MMS22L: variants seen among roughly 807,000 people sequenced by gnomAD.
The protein encoded by MMS22L is protein MMS22-like.
A neutral mutation model predicts 159.1 loss-of-function variants in MMS22L; 74 were observed. The observed-to-expected ratio is 0.47, with a 90% CI of 0.39 to 0.56. The LOEUF (loss-of-function observed/expected upper bound fraction) is 0.56. Ranked by LOEUF, MMS22L falls within the 20% of genes least tolerant of loss-of-function variation. The pLI, the probability that MMS22L is intolerant of heterozygous loss-of-function variation, is 0.00. For missense variants in MMS22L, 1,351 were observed against 1,422.1 expected, an observed-to-expected ratio of 0.95 and a Z score of 0.80; for synonymous variants, 517 against 506.9, an observed-to-expected ratio of 1.02 and a Z score of -0.27.
At chr6:97,167,029 T>C (rs1803025675) in intron 20 of MMS22L, among the ~76,000 whole-genome samples, 1 of 152,084 alleles carries the variant, frequency 6.6e-6, no homozygotes, top group South Asian at 2.1e-4. Context: ...CAAAATCCAT[T>C]TTCCCTTTCC....
intron 22 of MMS22L, among the ~76,000 whole-genome samples, chr6:97,156,528 C>A (rs1801865740): frequency 6.6e-6 from 1 of 152,150 alleles, no homozygotes; most frequent in African/African-American, 2.4e-5. Flanking sequence ...TTTCAGTTTT[C>A]TGAATATGGC....
intron 11 of MMS22L, among the ~76,000 whole-genome samples, chr6:97,234,324 A>T (rs1001576019): frequency 6.6e-6 from 1 of 152,196 alleles, no homozygotes; most frequent in Non-Finnish European, 1.5e-5. Flanking sequence ...TGATGTAACG[A>T]TTAAGATGTA....
At chr6:97,198,288 T>C (rs1422042545) in intron 14 of MMS22L, among the ~76,000 whole-genome samples, 1 of 152,132 alleles carries the variant, frequency 6.6e-6, no homozygotes, top group Non-Finnish European at 1.5e-5. Context: ...AGAAGCCATC[T>C]AGGAACTGGA....
intron 14 of MMS22L, among the ~76,000 whole-genome samples, chr6:97,194,914 G>A (rs1806318714): frequency 6.6e-6 from 1 of 152,004 alleles, no homozygotes; most frequent in Non-Finnish European, 1.5e-5. Context: ...AAGCAGTAGG[G>A]TACAAAACTA....
intron 11 of MMS22L, among the ~76,000 whole-genome samples, chr6:97,240,394 C>A (rs1201113772): frequency 1.3e-5 from 2 of 152,172 alleles, no homozygotes; most frequent in Non-Finnish European, 2.9e-5. Flanking sequence ...ATTCCTACTT[C>A]TAGGGTGACT....
At chr6:97,192,024 T>C (rs1413254592) in intron 14 of MMS22L, among the ~76,000 whole-genome samples, 1 of 152,158 alleles carries the variant, frequency 6.6e-6, no homozygotes, top group Non-Finnish European at 1.5e-5. Context: ...TGAGTCCCAA[T>C]CCTGTGCATG....
chr6:97,212,090 C>T (rs965886827), intron 14 of MMS22L, among the ~76,000 whole-genome samples: 1 of 152,162 alleles, frequency 6.6e-6, no homozygotes, highest in African/African-American at 2.4e-5. Flanking sequence ...ATTATTCTAT[C>T]CATCACAGTG....
chr6:97,231,362 T>C (rs760063638), intron 13 of MMS22L, 64 bp downstream of exon 13: 91 of 1,200,666 alleles, frequency 7.6e-5, no homozygotes, highest in Non-Finnish European at 1.1e-4. Flanking sequence ...CATAACAAAA[T>C]ACAAATAGTA....
rs148639396 is a variant in MMS22L at position 97,155,115 on chromosome 6, T to C, written c.3386-3248A>G. On this transcript the variant is annotated intron_variant, in intron 22 of 24. Coordinates refer to ENST00000683635, the MANE Select transcript of MMS22L (RefSeq NM_001350599.2). Reference sequence around the variant, plus strand: ...AATACCATATGGGTAGATCTTGTTTTTTTAAGAATCCATTGTGATCATCTC... The same window carrying C: ...AATACCATATGGGTAGATCTTGTTTCTTTAAGAATCCATTGTGATCATCTC... Among the ~76,000 whole-genome samples the C allele has an allele frequency of 1.9e-4, 29 of 151,564 alleles. No individual in the cohort carries two copies. In the East Asian group the frequency reaches 5.6e-3, roughly 29 times the overall value.
At chr6:97,256,575 T>C (rs572934523) in intron 9 of MMS22L, among the ~76,000 whole-genome samples, 19 of 152,312 alleles carry the variant, frequency 1.2e-4, no homozygotes, top group South Asian at 6.2e-4. Flanking sequence ...TTGACAAATA[T>C]TGTTTTGATA....
At position 97,145,861 on chromosome 6, in the gene MMS22L, C is replaced by T. The variant is rs1243314690; in HGVS notation, c.*945G>A. The T allele has an allele frequency of 6.6e-6, 1 of 152,076 alleles. No homozygotes were observed. Among genetic ancestry groups the T allele is most frequent in the Non-Finnish European group, 1.5e-5 (1 of 67,974 alleles). 9.4% of individuals were successfully genotyped at this position (152,076 alleles called of 1,614,324 possible). ...GCTCAATAGGAAAAGGAGTCAAGGA[C>T]AAGCTCCAACTGGTAAAACAATCTG... On this transcript the variant is annotated 3_prime_UTR_variant, in exon 25 of 25. Coordinates refer to ENST00000683635, the MANE Select transcript of MMS22L (RefSeq NM_001350599.2).
chr6:97,218,900 T>A (rs1366951241), intron 14 of MMS22L, among the ~76,000 whole-genome samples: 1 of 152,188 alleles, frequency 6.6e-6, no homozygotes, highest in African/African-American at 2.4e-5. Context: ...TATTCACTAA[T>A]TTAAACTGTC....
chr6:97,268,198 T>C (rs1050248813), intron 7 of MMS22L, among the ~76,000 whole-genome samples, 196 bp from the exon 8 acceptor site: 6 of 151,440 alleles, frequency 4.0e-5, no homozygotes, highest in African/African-American at 1.2e-4. Flanking sequence ...TTCTTTTTTT[T>C]TTTTTTTTGA....
chr6:97,153,399 T>C (rs1801526624), intron 22 of MMS22L, among the ~76,000 whole-genome samples: 1 of 124,724 alleles, frequency 8.0e-6, no homozygotes, highest in African/African-American at 3.2e-5. Context: ...TGAGACGGAC[T>C]CTCCCTCTGT....
At chr6:97,178,141 T>C (rs28607005) in intron 18 of MMS22L, among the ~76,000 whole-genome samples, 1 of 152,166 alleles carries the variant, frequency 6.6e-6, no homozygotes, top group Admixed American at 6.6e-5. Context: ...AACAATGCGG[T>C]TGTCCAGCAA....
chr6:97,162,258 C>G, intron 21 of MMS22L, 93 bp from the exon 22 acceptor site: 4 of 1,026,808 alleles, frequency 3.9e-6, no homozygotes, highest in Non-Finnish European at 5.7e-6. Flanking sequence ...GCAAAATTTA[C>G]CCCCCAAATT....
intron 4 of MMS22L, among the ~76,000 whole-genome samples, chr6:97,276,234 A>G (rs1562531639): frequency 6.6e-6 from 1 of 152,182 alleles, no homozygotes; most frequent in Admixed American, 6.5e-5. Context: ...GGACATGTTC[A>G]TGTATGGATA....
intron 4 of MMS22L, 56 bp downstream of exon 4, chr6:97,278,793 C>G (rs1381926046): frequency 7.0e-7 from 1 of 1,432,354 alleles, no homozygotes; most frequent in Non-Finnish European, 9.8e-7. Context: ...GACCCATGTG[C>G]AACTCACTAT....
intron 4 of MMS22L, among the ~76,000 whole-genome samples, chr6:97,274,929 G>A (rs1816109879): frequency 6.6e-6 from 1 of 152,140 alleles, no homozygotes; most frequent in South Asian, 2.1e-4. Flanking sequence ...GCACGAGAAA[G>A]AATTCTCAAA....
Sources: allele counts gnomAD v4.1 joint callset (sites outside exome capture counted in the v4.1 genomes callset), GRCh38; gene constraint gnomAD v4.1.1; transcripts MANE v1.5; gene names NCBI Gene and HGNC (gene_info 2026-07-23, HGNC 2026-07-21).